The following HCN1 variants were observed in gnomAD, a reference collection of about 807,000 sequenced individuals.
The protein encoded by HCN1 is potassium/sodium hyperpolarization-activated cyclic nucleotide-gated channel 1.
HCN1 carries 13 observed loss-of-function variants against 78.9 expected under a neutral mutation model. The ratio of observed to expected loss-of-function variants is 0.16; its 90% CI spans 0.11 to 0.26. HCN1 has a LOEUF of 0.26. Among genes scored for constraint, HCN1 ranks in the 10% least tolerant of loss-of-function variants. The pLI is 1.00. For synonymous variants in HCN1, 552 were observed against 455.5 expected, an observed-to-expected ratio of 1.21 and a Z score of -2.70; for missense variants, 810 against 1,154.3, an observed-to-expected ratio of 0.70 and a Z score of 4.32.
chr5:45,305,717 G>A (rs764712483), intron 5 of HCN1, among the ~76,000 whole-genome samples: 1 of 150,178 alleles, frequency 6.7e-6, no homozygotes, highest in African/African-American at 2.4e-5. Flanking sequence ...GGAGGGAGCA[G>A]GTGGGAAGGA....
chr5:45,493,667 G>C (rs1741948489), intron 2 of HCN1, among the ~76,000 whole-genome samples: 1 of 151,022 alleles, frequency 6.6e-6, no homozygotes, highest in Admixed American at 6.6e-5. Flanking sequence ...AGTTACATAT[G>C]TATACATGTG....
rs1744737744 is a variant in HCN1 at position 45,261,692 on chromosome 5, C to T, written c.*229G>A. On this transcript the variant is annotated 3_prime_UTR_variant, in exon 8 of 8. Transcript: ENST00000303230. ...CTTTAATGATTTAAAGAAAGGAAGA[C>T]ATATAACACTGAATGCTAAACAGGT... is the stretch of plus-strand genomic sequence containing the variant. The T allele has an allele frequency of 4.9e-6, 2 of 410,694 alleles. No homozygotes were observed. Among genetic ancestry groups the T allele is most frequent in the East Asian group, 8.5e-5 (2 of 23,604 alleles). The allele number at this position is 410,694 out of a possible 1,614,324, so 25.4% of individuals were successfully genotyped here.
At chr5:45,280,265 A>G (rs1051712492) in intron 6 of HCN1, among the ~76,000 whole-genome samples, 1 of 152,200 alleles carries the variant, frequency 6.6e-6, no homozygotes, top group African/African-American at 2.4e-5. Context: ...AGACAGAAAG[A>G]TGAAAGACAA....
chr5:45,651,099 T>C (rs1203411086), intron 1 of HCN1, among the ~76,000 whole-genome samples: 1 of 152,042 alleles, frequency 6.6e-6, no homozygotes, highest in Admixed American at 6.6e-5. Flanking sequence ...AATAAAAATA[T>C]TTATGGTTAA....
At chr5:45,572,879 G>A (rs1336566063) in intron 2 of HCN1, among the ~76,000 whole-genome samples, 1 of 152,114 alleles carries the variant, frequency 6.6e-6, no homozygotes, top group African/African-American at 2.4e-5. Context: ...ATGTCATTGT[G>A]ATTTGTGATA....
chr5:45,620,324 GTACAATGTACAATA>G (rs947767056), intron 2 of HCN1, among the ~76,000 whole-genome samples: 2 of 151,962 alleles, frequency 1.3e-5, no homozygotes, highest in Non-Finnish European at 2.9e-5. Flanking sequence ...TTGTACTAAT[GTACAATGTACAATA>G]TACCCAATCT....
chr5:45,666,432 C>T lies in HCN1; in HGVS notation c.426-20824G>A, dbSNP rs185473011. Among the ~76,000 whole-genome samples the T allele has an allele frequency of 3.9e-5, 6 of 152,032 alleles. No homozygotes were observed. In the East Asian group the frequency reaches 7.8e-4, roughly 20 times the overall value. On this transcript the variant is annotated intron_variant, in intron 1 of 7. Coordinates refer to ENST00000303230, the MANE Select transcript of HCN1 (RefSeq NM_021072.4). The stretch of plus-strand genomic sequence containing the variant: ...TGATACTTCTATATTAGGCAACAAC[C>T]GTGTCATTGTTCTGTTACATATAAA...
chr5:45,359,097 A>G (rs1747062892), intron 4 of HCN1, among the ~76,000 whole-genome samples: 1 of 152,068 alleles, frequency 6.6e-6, no homozygotes, highest in Non-Finnish European at 1.5e-5. Context: ...TGACTCCTGT[A>G]CATACATGTG....
chr5:45,684,702 A>G (rs1739769867), intron 1 of HCN1, among the ~76,000 whole-genome samples: 1 of 152,144 alleles, frequency 6.6e-6, no homozygotes, highest in South Asian at 2.1e-4. Context: ...CTCTACTGAA[A>G]ATACAAAAAC....
At chr5:45,265,578 CCTA>C (rs1245882859) in intron 7 of HCN1, among the ~76,000 whole-genome samples, 3 of 152,186 alleles carry the variant, frequency 2.0e-5, no homozygotes, top group African/African-American at 7.2e-5. Context: ...AGTCTGCTGT[CCTA>C]CTAATATAGA....
intron 2 of HCN1, chr5:45,642,153 C>T (rs1334435002): frequency 3.3e-5 from 5 of 152,108 alleles, no homozygotes; most frequent in Admixed American, 6.6e-5. Flanking sequence ...TTTACCTCAC[C>T]TGGCAATATA....
intron 2 of HCN1, among the ~76,000 whole-genome samples, chr5:45,523,857 T>G (rs544379652): frequency 2.0e-5 from 3 of 152,272 alleles, no homozygotes; most frequent in East Asian, 1.9e-4. Context: ...AGAAGCTCTT[T>G]AGTTTAATTA....
At chr5:45,484,447 C>A (rs1005614670) in intron 2 of HCN1, among the ~76,000 whole-genome samples, 1 of 151,900 alleles carries the variant, frequency 6.6e-6, no homozygotes, top group Non-Finnish European at 1.5e-5. Flanking sequence ...AAAAAAAATC[C>A]GTCTAAATAT....
intron 6 of HCN1, among the ~76,000 whole-genome samples, chr5:45,303,327 C>A (rs930517038): frequency 6.6e-6 from 1 of 152,046 alleles, no homozygotes; most frequent in Non-Finnish European, 1.5e-5. Flanking sequence ...ATCTAGGTCA[C>A]CAAATTATAC....
chr5:45,339,051 T>C (rs1015840141), intron 5 of HCN1, among the ~76,000 whole-genome samples: 12 of 152,182 alleles, frequency 7.9e-5, no homozygotes, highest in African/African-American at 2.9e-4. Flanking sequence ...TTACAAGGTG[T>C]TAACTGGCTG....
intron 1 of HCN1, among the ~76,000 whole-genome samples, chr5:45,685,795 C>A (rs1216280502): frequency 2.0e-5 from 3 of 151,990 alleles, no homozygotes; most frequent in African/African-American, 7.3e-5. Flanking sequence ...TGGCATTGCA[C>A]ATCAGGGCTT....
At chr5:45,620,729 G>GA in intron 2 of HCN1, among the ~76,000 whole-genome samples, 1 of 152,192 alleles carries the variant, frequency 6.6e-6, no homozygotes, top group East Asian at 1.9e-4. Flanking sequence ...GCAAGTGAGA[G>GA]AAAATCATTA....
At chr5:45,461,072 G>T (rs1457080386) in intron 3 of HCN1, among the ~76,000 whole-genome samples, 2 of 151,736 alleles carry the variant, frequency 1.3e-5, no homozygotes, top group East Asian at 3.9e-4. Flanking sequence ...AAGAAAATAT[G>T]GGAACTTATA....
intron 2 of HCN1, among the ~76,000 whole-genome samples, chr5:45,634,379 T>C (rs1745322998): frequency 6.6e-6 from 1 of 151,998 alleles, no homozygotes; most frequent in Non-Finnish European, 1.5e-5. Flanking sequence ...AAATTAATCA[T>C]TCCCAATAGT....
Sources: allele counts gnomAD v4.1 joint callset (sites outside exome capture counted in the v4.1 genomes callset), GRCh38; gene constraint gnomAD v4.1.1; transcripts MANE v1.5; gene names NCBI Gene and HGNC (gene_info 2026-07-23, HGNC 2026-07-21).